CCDC14: variants seen among roughly 807,000 people sequenced by gnomAD.
CCDC14 encodes coiled-coil domain-containing protein 14.
CCDC14 carries 71 observed loss-of-function variants against 81.4 expected under a neutral mutation model. The ratio of observed to expected loss-of-function variants is 0.87; its 90% CI spans 0.72 to 1.06. The LOEUF is 1.06. Among genes scored for constraint, CCDC14 ranks in the 50% least tolerant of loss-of-function variants. The pLI is 0.00. For missense variants in CCDC14, 1,046 were observed against 1,047.3 expected (o/e 1.00, Z 0.02); for synonymous variants, 332 against 364.8 (o/e 0.91, Z 1.03).
At chr3:123,893,860 A>C (rs997535733), downstream of CCDC14, among the ~76,000 whole-genome samples, 4 of 152,114 alleles carry the variant, frequency 2.6e-5, no homozygotes, top group Admixed American at 1.3e-4. Flanking sequence ...CTTTGGAGAA[A>C]CGTCTATCGA....
intron 5 of CCDC14, among the ~76,000 whole-genome samples, chr3:123,908,084 A>G (rs987818929): frequency 1.3e-5 from 2 of 152,156 alleles, no homozygotes; most frequent in African/African-American, 4.8e-5. Flanking sequence ...TCGAAATTAA[A>G]ATAAGAAGAA....
At chr3:123,907,153 A>C (rs1234421366) in intron 5 of CCDC14, among the ~76,000 whole-genome samples, 1 of 152,196 alleles carries the variant, frequency 6.6e-6, no homozygotes, top group East Asian at 1.9e-4. Flanking sequence ...ATTTCCTAAA[A>C]ATATTTTAGT....
downstream of CCDC14, among the ~76,000 whole-genome samples, chr3:123,896,335 A>C (rs186991376): frequency 1.6e-4 from 24 of 152,300 alleles, no homozygotes; most frequent in South Asian, 1.7e-3. Context: ...TTGACCTTGG[A>C]CTTCTCAGCT....
chr3:123,893,303 G>T (rs1487487714), downstream of CCDC14, among the ~76,000 whole-genome samples: 3 of 151,904 alleles, frequency 2.0e-5, no homozygotes, highest in Non-Finnish European at 4.4e-5. Flanking sequence ...GCCTATTCTA[G>T]ATACCCCATA....
chr3:123,899,957 G>A (rs900969227), intron 5 of CCDC14, among the ~76,000 whole-genome samples: 3 of 152,146 alleles, frequency 2.0e-5, no homozygotes, highest in Non-Finnish European at 4.4e-5. Context: ...AACCTCACCA[G>A]TTTGATTAAG....
At chr3:123,955,807 G>T in intron 5 of CCDC14, 36 bp downstream of exon 5, 2 of 1,445,740 alleles carry the variant, frequency 1.4e-6, no homozygotes, top group South Asian at 2.7e-5. Context: ...CACAATTAAG[G>T]ATTATCTTTA....
chr3:123,898,059 G>C (rs1010398562), intron 5 of CCDC14, among the ~76,000 whole-genome samples: 9 of 152,224 alleles, frequency 5.9e-5, no homozygotes, highest in African/African-American at 1.2e-4. Context: ...GCAGAAGGTA[G>C]AGGATAAGTA....
At chr3:123,955,611 T>C (rs528705142) in intron 5 of CCDC14, 28 of 334,682 alleles carry the variant, frequency 8.4e-5, no homozygotes, top group African/African-American at 5.5e-4. Flanking sequence ...GTTTGAACTT[T>C]TTCTCCTACA....
chr3:123,950,022 G>C (rs562473180), intron 5 of CCDC14, among the ~76,000 whole-genome samples: 1 of 151,990 alleles, frequency 6.6e-6, no homozygotes. Context: ...GGTAGAAATC[G>C]GTATTAACAA....
downstream of CCDC14, among the ~76,000 whole-genome samples, chr3:123,908,755 G>A (rs1178103707): frequency 6.6e-5 from 10 of 152,088 alleles, no homozygotes. Context: ...GGGAGAGGTA[G>A]TGATGGTGGA....
intron 5 of CCDC14, among the ~76,000 whole-genome samples, chr3:123,902,849 C>T (rs2034206149): frequency 6.6e-6 from 1 of 151,972 alleles, no homozygotes; most frequent in Non-Finnish European, 1.5e-5. Context: ...ATGTGCTGAA[C>T]ATGCAGGTTT....
At chr3:123,930,957 A>G in intron 12 of CCDC14, 145 bp downstream of exon 12, 1 of 693,464 alleles carries the variant, frequency 1.4e-6, no homozygotes, top group South Asian at 2.6e-5. Context: ...GGAACAGAAG[A>G]AAACATCATT....
At chr3:123,926,599 A>C (rs1238508976) in intron 12 of CCDC14, among the ~76,000 whole-genome samples, 1 of 148,868 alleles carries the variant, frequency 6.7e-6, no homozygotes. Flanking sequence ...ATTTAAATTA[A>C]TATTTAAAAT....
Position 123,931,402 on chromosome 3 carries a change from T to C in CCDC14, c.1551A>G (p.Glu517=), listed in dbSNP as rs2035699854. 6.5e-7 allele frequency: 1 copy of C among 1,544,478 alleles called. No individual in the cohort carries two copies. The highest frequency in any genetic ancestry group is 1.4e-5 in the African/African-American group (1 of 72,982). ...LLKVIENQKD[E]NKKFSSIFKD... ...TAAATATACTACTAAATTTTTTGTT[T>C]TCATCTTTCTGATTTTCAATCACTT... The change falls in exon 11 of 13, where the codon GAA becomes GAG. Residue 517 remains glutamate (E), a synonymous_variant. Transcript: ENST00000409697.
At chr3:123,897,650 A>G (rs1333149543) in intron 5 of CCDC14, 1 of 976,966 alleles carries the variant, frequency 1.0e-6, no homozygotes, top group Non-Finnish European at 1.3e-6. Context: ...ATAAATATAA[A>G]CTTGGGATTA....
At chr3:123,924,996 C>T (rs1470147550) in intron 12 of CCDC14, among the ~76,000 whole-genome samples, 1 of 151,774 alleles carries the variant, frequency 6.6e-6, no homozygotes, top group East Asian at 1.9e-4. Flanking sequence ...TATACACACA[C>T]ACCCAGAGTA....
intron 10 of CCDC14, among the ~76,000 whole-genome samples, chr3:123,933,053 C>T (rs1377576446): frequency 4.6e-5 from 7 of 152,008 alleles, no homozygotes; most frequent in African/African-American, 7.3e-5. Context: ...GAGACACGAT[C>T]GCACCACTGC....
chr3:123,897,577 AC>A lies in CCDC14; in HGVS notation c.703del (p.Ser235IlefsTer19). On this transcript the variant is annotated frameshift_variant, in exon 6 of 6. Transcript: ENST00000479903. LOFTEE classifies it high-confidence loss of function. ...GTACTGTATTGGGCTTTTGTGTAAG[AC>A]TTTGCAGAACATTTAAGTCCACAGT... 1 of 1,206,186 alleles carries A rather than the reference AC, an allele frequency of 8.3e-7. No individual in the cohort carries two copies. 74.7% of individuals were successfully genotyped at this position (1,206,186 alleles called of 1,614,324 possible).
chr3:123,911,947 C>T (rs2034457367), downstream of CCDC14, among the ~76,000 whole-genome samples: 1 of 152,140 alleles, frequency 6.6e-6, no homozygotes, highest in Admixed American at 6.5e-5. Context: ...TACTAAACTC[C>T]AGGGGTGGTG....
Sources: allele counts gnomAD v4.1 joint callset (sites outside exome capture counted in the v4.1 genomes callset), GRCh38; gene constraint gnomAD v4.1.1; transcripts MANE v1.5; gene names NCBI Gene and HGNC (gene_info 2026-07-23, HGNC 2026-07-21).